Variants in TOP2B observed in about 807,000 individuals in gnomAD.
The protein encoded by TOP2B is DNA topoisomerase II beta, also known as DNA topoisomerase 2-beta.
Under a neutral mutation model 193.5 loss-of-function variants are expected in TOP2B, and 51 were observed. The observed-to-expected ratio is 0.26, with a 90% confidence interval of 0.21 to 0.33. TOP2B has a LOEUF of 0.33. Ranked by LOEUF, TOP2B falls within the 10% of genes least tolerant of loss-of-function variation. The probability of loss-of-function intolerance (pLI) is 1.00; values close to 1 mark genes in which losing one functional copy is unlikely to be tolerated. For synonymous variants in TOP2B, 634 were observed against 635.7 expected, an observed-to-expected ratio of 1.00 and a Z score of 0.04; for missense variants, 1,378 against 1,909.3, an observed-to-expected ratio of 0.72 and a Z score of 5.19.
chr3:25,620,589 C>T (rs1027367105), intron 22 of TOP2B, 93 bp downstream of exon 22: 28 of 1,390,412 alleles, frequency 2.0e-5, no homozygotes, highest in Admixed American at 1.6e-4. Flanking sequence ...ACACTACGCA[C>T]GCTTAGGACC....
At chr3:25,600,164 TA>T (rs1338322694) in intron 34 of TOP2B, among the ~76,000 whole-genome samples, 2 of 152,224 alleles carry the variant, frequency 1.3e-5, no homozygotes, top group African/African-American at 4.8e-5. Flanking sequence ...CCTAACCTCT[TA>T]TTCTCATCAT....
intron 1 of TOP2B, among the ~76,000 whole-genome samples, chr3:25,655,821 C>A (rs1220578743): frequency 6.6e-6 from 1 of 151,986 alleles, no homozygotes; most frequent in Non-Finnish European, 1.5e-5. Flanking sequence ...ATAAAGTATC[C>A]ACAGTAATCA....
At chr3:25,656,228 G>A (rs1284247217) in intron 1 of TOP2B, among the ~76,000 whole-genome samples, 2 of 152,136 alleles carry the variant, frequency 1.3e-5, no homozygotes, top group Admixed American at 6.5e-5. Context: ...AAAGCCTTAA[G>A]GGATACACAT....
intron 1 of TOP2B, among the ~76,000 whole-genome samples, chr3:25,657,235 A>G (rs759468107): frequency 6.6e-6 from 1 of 152,166 alleles, no homozygotes; most frequent in Non-Finnish European, 1.5e-5. Context: ...TTGTCCCCTG[A>G]GCAATGTCCA....
Position 25,651,955 on chromosome 3 carries a change from A to G in TOP2B, c.70-6485T>C, listed in dbSNP as rs573644745. On this transcript the variant is annotated intron_variant, in intron 1 of 35. Coordinates refer to ENST00000264331, the MANE Select transcript of TOP2B (RefSeq NM_001330700.2). ...AAGATCCAACTACAGGTTGTTTACA[A>G]GACATCTGCTTCAGATCCAAAGATG... Among the ~76,000 whole-genome samples the G allele has an allele frequency of 1.3e-4, 20 of 152,314 alleles. No homozygotes were observed. The South Asian group carries it at 2.5e-3, about 19-fold the overall frequency.
intron 16 of TOP2B, 53 bp from the exon 17 acceptor site, chr3:25,626,917 TACAAA>T: frequency 8.8e-7 from 1 of 1,133,424 alleles, no homozygotes; most frequent in Non-Finnish European, 1.3e-6. Flanking sequence ...TAAATTTTAT[TACAAA>T]ATTAAAATGT....
intron 25 of TOP2B, among the ~76,000 whole-genome samples, chr3:25,617,303 T>C (rs2125360833): frequency 6.6e-6 from 1 of 152,272 alleles, no homozygotes; most frequent in South Asian, 2.1e-4. Context: ...AATTTGGGGT[T>C]CAATAAAACA....
At chr3:25,631,581 G>A (rs978304699) in intron 10 of TOP2B, among the ~76,000 whole-genome samples, 2 of 151,994 alleles carry the variant, frequency 1.3e-5, no homozygotes, top group Non-Finnish European at 2.9e-5. Context: ...GATGTTAGGT[G>A]TATAAAACAG....
chr3:25,620,643 A>T, intron 22 of TOP2B, 39 bp downstream of exon 22: 2 of 1,589,972 alleles, frequency 1.3e-6, no homozygotes, highest in Non-Finnish European at 1.7e-6. Flanking sequence ...TGCTTAATAC[A>T]CTGCCCTTCC....
chr3:25,618,200 T>G (rs181691284), intron 25 of TOP2B: 80 of 490,942 alleles, frequency 1.6e-4, no homozygotes, highest in Admixed American at 6.9e-4. Context: ...TTCTCCAGGC[T>G]CTGGTTGAGT....
At position 25,646,765 on chromosome 3, in the gene TOP2B, T is replaced by C. The variant is rs570362122; in HGVS notation, c.70-1295A>G. On this transcript the variant is annotated intron_variant, in intron 1 of 35. Transcript: ENST00000264331. ...CTTTAAAGTTTTTATTTTTAAAAAC[T>C]GTATCATTAAGTATGTTTAAAAATC... Among the ~76,000 whole-genome samples the C allele has an allele frequency of 4.6e-5, 7 of 152,346 alleles. No homozygotes were observed. The South Asian group carries it at 1.4e-3, about 32-fold the overall frequency.
intron 25 of TOP2B, among the ~76,000 whole-genome samples, chr3:25,616,976 C>A (rs1443052570): frequency 6.6e-6 from 1 of 151,856 alleles, no homozygotes; most frequent in Non-Finnish European, 1.5e-5. Flanking sequence ...CTTTATAATT[C>A]TCTTTTCTCC....
rs1333161951 is a variant in TOP2B, at chr3:25,664,128, C to T, written c.69+101G>A. 9 of 1,497,378 alleles carry T rather than the reference C, an allele frequency of 6.0e-6. No homozygotes were observed. The Admixed American group carries it at 1.4e-4, about 23-fold the overall frequency. 92.8% of individuals were successfully genotyped at this position (1,497,378 alleles called of 1,614,324 possible). On this transcript the variant is annotated intron_variant, in intron 1 of 35. Transcript: ENST00000264331. ...CCCTATGGAGCGCCCGTTCGGGGGA[C>T]GGGATTTCCCTCCCTTTCCCCTCCC...
At chr3:25,653,021 G>C (rs1468577577) in intron 1 of TOP2B, among the ~76,000 whole-genome samples, 2 of 152,056 alleles carry the variant, frequency 1.3e-5, no homozygotes, top group African/African-American at 4.8e-5. Context: ...CACACATATG[G>C]CAACAGATTA....
Position 25,598,420 on chromosome 3 carries a change from A to C in TOP2B, c.4768T>G (p.Phe1590Val). The change falls in exon 36 of 36, where the codon TTC becomes GTC. Residue 1590 changes from phenylalanine (F) to valine (V), a missense_variant. Phe to Val is a conservative substitution (Grantham distance 50). Transcript: ENST00000264331. ...GGCAGAGAAGGTGGCTCAGTAGGGA[A>C]GTCTGAGGGGAAGATGTCCACATCT... ...DSDVDIFPSD[F>V]PTEPPSLPRT... The C allele has an allele frequency of 6.2e-7, 1 of 1,613,522 alleles. No homozygotes were observed. The highest frequency in any genetic ancestry group is 8.5e-7 in the Non-Finnish European group (1 of 1,179,602).
At chr3:25,609,808 G>T in intron 28 of TOP2B, 96 bp from the exon 29 acceptor site, 1 of 1,261,538 alleles carries the variant, frequency 7.9e-7, no homozygotes. Flanking sequence ...TTCAAATCAG[G>T]TAAATTTAAA....
chr3:25,617,755 T>C (rs1702543309), intron 25 of TOP2B, among the ~76,000 whole-genome samples: 1 of 152,232 alleles, frequency 6.6e-6, no homozygotes, highest in Non-Finnish European at 1.5e-5. Context: ...ATTTTTCTTT[T>C]AGTTATACAA....
At chr3:25,646,492 A>G (rs1703419220) in intron 1 of TOP2B, among the ~76,000 whole-genome samples, 1 of 152,176 alleles carries the variant, frequency 6.6e-6, no homozygotes, top group Non-Finnish European at 1.5e-5. Context: ...TTGTCTTCTT[A>G]AGAGCAGCAG....
intron 35 of TOP2B, among the ~76,000 whole-genome samples, chr3:25,599,096 C>G (rs987128250): frequency 6.6e-6 from 1 of 151,946 alleles, no homozygotes; most frequent in Non-Finnish European, 1.5e-5. Flanking sequence ...CAAATTAGCC[C>G]TGGTCAAATA....
Sources: allele counts gnomAD v4.1 joint callset (sites outside exome capture counted in the v4.1 genomes callset), GRCh38; gene constraint gnomAD v4.1.1; transcripts MANE v1.5; gene names NCBI Gene and HGNC (gene_info 2026-07-23, HGNC 2026-07-21).